The following PCTP variants were observed in gnomAD, a reference collection of about 807,000 sequenced individuals.
The protein encoded by PCTP is START domain-containing protein 2.
In PCTP, 27 loss-of-function variants were observed where a neutral mutation model predicts 31.0. That is an observed-to-expected ratio of 0.87 (90% CI 0.64 to 1.20). PCTP has a LOEUF of 1.20. Ranked by LOEUF, PCTP falls within the 50% of genes most tolerant of loss-of-function variation. The pLI is 0.00. For missense variants in PCTP, 287 were observed against 268.2 expected (o/e 1.07, Z -0.49); for synonymous variants, 108 against 101.2 (o/e 1.07, Z -0.40).
At chr17:55,774,888 A>AGGGGGGGGG in intron 5 of PCTP, 29 bp downstream of exon 5, 1 of 314,592 alleles carries the variant, frequency 3.2e-6, no homozygotes, top group Non-Finnish European at 6.2e-6. Flanking sequence ...GGGCGGGGGG[A>AGGGGGGGGG]GGGATGGGGG....
chr17:55,807,885 T>C (rs558463783), intron 3 of PCTP, among the ~76,000 whole-genome samples: 3 of 152,308 alleles, frequency 2.0e-5, no homozygotes, highest in East Asian at 3.9e-4. Context: ...ATTTTTTTGG[T>C]ACAAAGCATT....
intron 2 of PCTP, among the ~76,000 whole-genome samples, chr17:55,785,329 A>C (rs887935690): frequency 3.3e-5 from 5 of 152,236 alleles, no homozygotes; most frequent in African/African-American, 1.2e-4. Context: ...AATCCTTCCA[A>C]CAGCCTCCTG....
chr17:55,790,119 ACT>A (rs1911904137), intron 3 of PCTP, among the ~76,000 whole-genome samples: 2 of 152,198 alleles, frequency 1.3e-5, no homozygotes, highest in East Asian at 1.9e-4. Flanking sequence ...CATGCTAAAA[ACT>A]CTCAATAAAT....
chr17:55,811,883 G>C (rs1567728097), intron 3 of PCTP, among the ~76,000 whole-genome samples: 1 of 152,182 alleles, frequency 6.6e-6, no homozygotes, highest in South Asian at 2.1e-4. Context: ...TTCTCCTTTA[G>C]TTGAAACCCA....
chr17:55,780,786 A>C (rs926154651), downstream of PCTP, among the ~76,000 whole-genome samples: 3 of 152,180 alleles, frequency 2.0e-5, no homozygotes, highest in Non-Finnish European at 2.9e-5. Context: ...ATATCATATG[A>C]GCATAAATAA....
chr17:55,851,963 C>T, the PCTP span, among the ~76,000 whole-genome samples: 1 of 150,976 alleles, frequency 6.6e-6, no homozygotes, highest in Admixed American at 6.6e-5. Context: ...TTGTTTTTGA[C>T]TTTTATTACG....
chr17:55,761,818 T>C (rs947204366), intron 1 of PCTP, among the ~76,000 whole-genome samples: 1 of 152,050 alleles, frequency 6.6e-6, no homozygotes, highest in Non-Finnish European at 1.5e-5. Flanking sequence ...TGTACTGTTT[T>C]AATGAATTTA....
chr17:55,783,801 C>T (rs532472093), intron 2 of PCTP, among the ~76,000 whole-genome samples: 1 of 152,294 alleles, frequency 6.6e-6, no homozygotes, highest in South Asian at 2.1e-4. Context: ...CTACTTTAAG[C>T]TGTTGTAAAC....
chr17:55,795,393 A>C (rs1912151395), intron 3 of PCTP, among the ~76,000 whole-genome samples: 1 of 152,042 alleles, frequency 6.6e-6, no homozygotes, highest in Non-Finnish European at 1.5e-5. Context: ...CTCTATTCAT[A>C]AATGATTTAT....
downstream of PCTP, among the ~76,000 whole-genome samples, chr17:55,824,377 C>G (rs756084806): frequency 6.6e-6 from 1 of 152,204 alleles, no homozygotes; most frequent in Non-Finnish European, 1.5e-5. Context: ...GCCCCAAAGA[C>G]AGTAGGCATG....
At chr17:55,825,522 A>T (rs752497172), downstream of PCTP, among the ~76,000 whole-genome samples, 58 of 152,212 alleles carry the variant, frequency 3.8e-4, 1 homozygote, top group Admixed American at 1.3e-4. Context: ...CCTATCACAG[A>T]CTTGCAGGTT....
At chr17:55,840,755 A>G (rs2145093297) in intron 5 of PCTP, among the ~76,000 whole-genome samples, 1 of 152,396 alleles carries the variant, frequency 6.6e-6, no homozygotes, top group Non-Finnish European at 1.5e-5. Context: ...AAAAGAAACA[A>G]GAGTACAAGG....
At chr17:55,764,186 A>C (rs1230887171) in intron 1 of PCTP, among the ~76,000 whole-genome samples, 1 of 152,232 alleles carries the variant, frequency 6.6e-6, no homozygotes, top group Non-Finnish European at 1.5e-5. Flanking sequence ...ATTTATGCAG[A>C]TATCCAATGC....
At chr17:55,839,183 T>A (rs1001101724) in intron 5 of PCTP, among the ~76,000 whole-genome samples, 1 of 152,228 alleles carries the variant, frequency 6.6e-6, no homozygotes, top group African/African-American at 2.4e-5. Flanking sequence ...TCATTGCTGC[T>A]GCTTCTTAAT....
intron 3 of PCTP, among the ~76,000 whole-genome samples, chr17:55,800,893 G>T (rs1173137416): frequency 6.6e-6 from 1 of 151,932 alleles, no homozygotes; most frequent in Non-Finnish European, 1.5e-5. Flanking sequence ...TCTGCTGCAG[G>T]TCTGCTGGAG....
chr17:55,851,696 G>A, the PCTP span, among the ~76,000 whole-genome samples: 1 of 152,158 alleles, frequency 6.6e-6, no homozygotes, highest in Admixed American at 6.5e-5. Flanking sequence ...TTGGGTCAGA[G>A]CAATGGATTT....
rs529068061 is a variant in PCTP at position 55,758,322 on chromosome 17, T to G, written c.141+7078T>G. Among the ~76,000 whole-genome samples the G allele has an allele frequency of 7.9e-5, 12 of 152,336 alleles. No homozygotes were observed. In the South Asian group the frequency reaches 2.5e-3, roughly 32 times the overall value. ...TACTTTCCCAGGGACTGTTCTTCCC[T>G]GTGCTCTTGACCTACTAAAATTCTC... On this transcript the variant is annotated intron_variant, in intron 1 of 5. Coordinates refer to ENST00000268896, the MANE Select transcript of PCTP (RefSeq NM_021213.4).
At chr17:55,755,981 A>C (rs187490646) in intron 1 of PCTP, among the ~76,000 whole-genome samples, 132 of 152,336 alleles carry the variant, frequency 8.7e-4, no homozygotes, top group Admixed American at 4.8e-3. Flanking sequence ...CCATACAAGA[A>C]CTACATTCTG....
chr17:55,809,773 G>A (rs1166845661), intron 3 of PCTP, among the ~76,000 whole-genome samples: 14 of 152,004 alleles, frequency 9.2e-5, no homozygotes, highest in Admixed American at 6.6e-5. Context: ...CGCCCGCCTC[G>A]GCGTCCCAAA....
Sources: gnomAD v4.1 joint callset for allele counts (sites outside exome capture counted in the v4.1 genomes callset) on GRCh38, gnomAD v4.1.1 for gene constraint, MANE v1.5 for transcripts, NCBI Gene and HGNC (gene_info 2026-07-23, HGNC 2026-07-21) for gene names.